Variants in DGKH observed in about 807,000 individuals in gnomAD.
DGKH encodes the protein DAG kinase eta.
DGKH carries 90 observed loss-of-function variants against 159.3 expected under a neutral mutation model. The observed-to-expected ratio is 0.57, with a 90% CI of 0.48 to 0.67. The LOEUF is 0.67. Ranked by LOEUF, DGKH falls within the 30% of genes least tolerant of loss-of-function variation. The probability of loss-of-function intolerance (pLI) is 0.00; values close to 1 mark genes in which losing one functional copy is unlikely to be tolerated. For synonymous variants in DGKH, 536 were observed against 553.8 expected (o/e 0.97, Z 0.45); for missense variants, 1,181 against 1,506.1 (o/e 0.78, Z 3.57).
chr13:42,053,230 T>C (rs1382392920), intron 1 of DGKH, among the ~76,000 whole-genome samples: 2 of 151,822 alleles, frequency 1.3e-5, no homozygotes, highest in African/African-American at 4.8e-5. Context: ...TGGATTAAGA[T>C]ATATTTTTGG....
At chr13:42,155,640 A>T in intron 4 of DGKH, 27 bp from the exon 5 acceptor site, 7 of 1,614,066 alleles carry the variant, frequency 4.3e-6, no homozygotes, top group Non-Finnish European at 5.9e-6. Flanking sequence ...CTGGCTTGGC[A>T]AATCTGTCCT....
At chr13:42,163,688 T>C (rs1433736947) in intron 7 of DGKH, among the ~76,000 whole-genome samples, 2 of 152,166 alleles carry the variant, frequency 1.3e-5, no homozygotes, top group East Asian at 3.8e-4. Context: ...TCATATCCTT[T>C]GCCCACTTTT....
At chr13:42,092,175 T>G (rs1305631326) in intron 1 of DGKH, among the ~76,000 whole-genome samples, 4 of 152,172 alleles carry the variant, frequency 2.6e-5, no homozygotes, top group African/African-American at 9.7e-5. Flanking sequence ...TTATGGAAAG[T>G]AGTAGAAGGT....
Position 42,189,567 on chromosome 13 carries a change from C to A in DGKH, c.1912+258C>A, listed in dbSNP as rs145466117. On this transcript the variant is annotated intron_variant, in intron 15 of 29. Coordinates refer to ENST00000337343, the MANE Select transcript of DGKH (RefSeq NM_178009.5). ...AAACATTTCTATCTAAAATACAAAA[C>A]TAGTTTAAATGACATTTAAAAAATT... 1.4e-3 allele frequency among the ~76,000 whole-genome samples: 206 copies of A among 151,996 alleles called. No individual in the cohort carries two copies. The Middle Eastern group carries it at 0.024, about 18-fold the overall frequency.
intron 1 of DGKH, among the ~76,000 whole-genome samples, chr13:42,076,696 A>G (rs1192882667): frequency 6.6e-6 from 1 of 152,174 alleles, no homozygotes; most frequent in Non-Finnish European, 1.5e-5. Flanking sequence ...TTTTACCACA[A>G]ATAATTTATG....
Position 42,241,539 on chromosome 13 carries a change from T to C in DGKH, c.*12351T>C, listed in dbSNP as rs1189458082. ...ACATGTGATCCCAGTGACTGATAGATCTGTAGAATGTGAACTCACATTTAA... is the reference window on the plus strand; with the variant it reads ...ACATGTGATCCCAGTGACTGATAGACCTGTAGAATGTGAACTCACATTTAA... On this transcript the variant is annotated 3_prime_UTR_variant, in exon 30 of 30. Transcript: ENST00000337343. The C allele has an allele frequency of 6.6e-6, 1 of 152,246 alleles. No individual in the cohort carries two copies. The highest frequency in any genetic ancestry group is 2.4e-5 in the African/African-American group (1 of 41,460). The allele number at this position is 152,246 out of a possible 1,614,324, so 9.4% of individuals were successfully genotyped here. A position where few individuals can be genotyped will look rare whatever the true frequency, so the allele number is the denominator to read the frequency against.
chr13:42,228,541 T>C (rs1048222884), intron 29 of DGKH, among the ~76,000 whole-genome samples: 2 of 151,984 alleles, frequency 1.3e-5, no homozygotes, highest in African/African-American at 4.8e-5. Flanking sequence ...GCCTTAGGAC[T>C]AATTGTGGGT....
intron 1 of DGKH, among the ~76,000 whole-genome samples, chr13:42,112,402 C>G (rs917553688): frequency 6.6e-6 from 1 of 150,942 alleles, no homozygotes; most frequent in Non-Finnish European, 1.5e-5. Flanking sequence ...TGGCCTTGGC[C>G]TCCTGAGTAG....
At position 42,252,177 on chromosome 13, in the gene DGKH, C is replaced by T. The variant is rs572126774; in HGVS notation, n.4055-232C>T. On this transcript the variant is annotated intron_variant and non_coding_transcript_variant, in intron 29 of 30. Transcript: ENST00000498255. ...ATGAATTTGTGTAAGAACAGAATTA[C>T]CTGTTCTTTGAATGTATGGTAGAAT... Among the ~76,000 whole-genome samples, 5 of 151,768 alleles carry T rather than the reference C, an allele frequency of 3.3e-5. No homozygotes were observed. The East Asian group carries it at 9.7e-4, about 29-fold the overall frequency.
rs531464796 is a variant in DGKH at position 42,237,278 on chromosome 13, G to A, written c.*8090G>A. On this transcript the variant is annotated 3_prime_UTR_variant, in exon 30 of 30. Coordinates refer to ENST00000337343, the MANE Select transcript of DGKH (RefSeq NM_178009.5). ...TTTTCTTCTATGTTACAGTGTTAGC[G>A]GTTGATGTATTGTGTACTGTTTAAG... 7.9e-5 allele frequency: 12 copies of A among 152,256 alleles called. No individual in the cohort carries two copies. The South Asian group carries it at 1.2e-3, about 16-fold the overall frequency. The allele number at this position is 152,256 out of a possible 1,614,324, so 9.4% of individuals were successfully genotyped here.
intron 3 of DGKH, among the ~76,000 whole-genome samples, chr13:42,152,820 GA>G (rs1420140600): frequency 6.6e-6 from 1 of 150,798 alleles, no homozygotes; most frequent in Non-Finnish European, 1.5e-5. Flanking sequence ...ACAGGGGTGG[GA>G]GGGGTGGCTT....
chr13:42,100,612 A>T (rs887897278), intron 1 of DGKH, among the ~76,000 whole-genome samples: 12 of 152,176 alleles, frequency 7.9e-5, no homozygotes, highest in African/African-American at 2.7e-4. Context: ...TTTTTTTATT[A>T]ATTGACTTCA....
upstream of DGKH, among the ~76,000 whole-genome samples, chr13:42,044,781 CT>C (rs1487228226): frequency 2.6e-5 from 4 of 152,134 alleles, no homozygotes; most frequent in Non-Finnish European, 5.9e-5. Flanking sequence ...TTAATGCTAG[CT>C]TTGAAATGCA....
At chr13:42,181,791 G>A (rs748319389) in intron 13 of DGKH, 1 of 447,222 alleles carries the variant, frequency 2.2e-6, no homozygotes, top group Non-Finnish European at 4.1e-6. Flanking sequence ...AGCAGCAGGA[G>A]ACTCAACTGC....
intron 1 of DGKH, 109 bp downstream of exon 1, chr13:42,049,074 A>T (rs1881029992): frequency 1.1e-5 from 3 of 278,900 alleles, no homozygotes; most frequent in Non-Finnish European, 1.4e-5. Flanking sequence ...GAAGGCGGGG[A>T]AGGCGGGGAA....
chr13:42,166,542 G>C lies in DGKH; in HGVS notation c.986G>C (p.Cys329Ser). Reference protein sequence around the residue: ...DGFCRATFSFCVSPLLVFVNS... With the variant: ...DGFCRATFSFSVSPLLVFVNS... The stretch of plus-strand genomic sequence containing the variant: ...TTCTGTAGAGCAACATTTTCGTTCT[G>C]TGTTAGTCCTCTATTGGTTTTTGTC... The change falls in exon 9 of 30, where the codon TGT (cysteine) becomes TCT (serine). Residue 329 changes from cysteine (C) to serine (S), a missense_variant. Around this residue, in one of 5 missense-constraint regions of DGKH, gnomAD observed 369 missense variants for 519.4 expected, o/e 0.71. Coordinates refer to ENST00000337343, the MANE Select transcript of DGKH (RefSeq NM_178009.5). 1 of 1,589,256 alleles carries C rather than the reference G, an allele frequency of 6.3e-7. No homozygotes were observed. Among genetic ancestry groups the C allele is most frequent in the South Asian group, 1.2e-5 (1 of 86,350 alleles).
intron 1 of DGKH, among the ~76,000 whole-genome samples, chr13:42,064,167 C>A (rs996611978): frequency 2.6e-5 from 4 of 151,982 alleles, no homozygotes; most frequent in African/African-American, 9.7e-5. Flanking sequence ...GTTGGCACTT[C>A]TAGAAATTAT....
chr13:42,199,526 T>A, intron 18 of DGKH, 40 bp from the exon 19 acceptor site: 1 of 1,341,314 alleles, frequency 7.5e-7, no homozygotes, highest in Non-Finnish European at 1.0e-6. Context: ...TTATAATGAA[T>A]CTCAAATTGA....
chr13:42,076,496 G>A (rs12584909), intron 1 of DGKH, among the ~76,000 whole-genome samples: 25,617 of 152,048 alleles, frequency 0.17, 2,274 homozygotes, highest in East Asian at 0.3. Flanking sequence ...AGAAAGACAC[G>A]GTATTTATAT....
Sources: allele counts gnomAD v4.1 joint callset (sites outside exome capture counted in the v4.1 genomes callset), GRCh38; gene constraint gnomAD v4.1.1; regional missense constraint gnomAD v4.1.1; transcripts MANE v1.5; gene names NCBI Gene and HGNC (gene_info 2026-07-23, HGNC 2026-07-21).